The following TRMT11 variants were observed in gnomAD, a reference collection of about 807,000 sequenced individuals.
The protein encoded by TRMT11 is tRNA (guanine(10)-N(2))-methyltransferase TRMT11.
TRMT11 carries 53 observed loss-of-function variants against 62.8 expected under a neutral mutation model. The ratio of observed to expected loss-of-function variants is 0.84; its 90% CI spans 0.68 to 1.06. The LOEUF (loss-of-function observed/expected upper bound fraction) is 1.06. Among genes scored for constraint, TRMT11 ranks in the 50% least tolerant of loss-of-function variants. The probability of loss-of-function intolerance (pLI) is 0.00; values close to 1 mark genes in which losing one functional copy is unlikely to be tolerated. For synonymous variants in TRMT11, 188 were observed against 190.3 expected, an observed-to-expected ratio of 0.99 and a Z score of 0.10; for missense variants, 556 against 553.4, an observed-to-expected ratio of 1.00 and a Z score of -0.05.
intron 17 of TRMT11, among the ~76,000 whole-genome samples, chr6:126,090,780 A>C (rs1777264941): frequency 6.6e-6 from 1 of 152,218 alleles, no homozygotes; most frequent in African/African-American, 2.4e-5. Flanking sequence ...GAGAATCTCA[A>C]TCCATACACG....
At chr6:126,247,280 A>G in the TRMT11 span, among the ~76,000 whole-genome samples, 1 of 152,228 alleles carries the variant, frequency 6.6e-6, no homozygotes, top group Non-Finnish European at 1.5e-5. Context: ...CCCTCAGTTC[A>G]TAACTTTAAA....
At chr6:126,191,714 A>G (rs577620654) in intron 1 of TRMT11, among the ~76,000 whole-genome samples, 2 of 152,084 alleles carry the variant, frequency 1.3e-5, no homozygotes, top group South Asian at 2.1e-4. Flanking sequence ...ATTTTCTACA[A>G]TGTATGTTCT....
At chr6:126,269,807 T>C in the TRMT11 span, among the ~76,000 whole-genome samples, 4 of 152,282 alleles carry the variant, frequency 2.6e-5, no homozygotes, top group East Asian at 3.9e-4. Context: ...ATCTCCAGAG[T>C]AAGCTACCTA....
chr6:126,232,162 G>T, the TRMT11 span, among the ~76,000 whole-genome samples: 2 of 152,086 alleles, frequency 1.3e-5, no homozygotes, highest in Non-Finnish European at 2.9e-5. Context: ...GTGTGTGTGT[G>T]TGTGTAGATG....
At chr6:126,255,542 A>T in the TRMT11 span, among the ~76,000 whole-genome samples, 1 of 152,334 alleles carries the variant, frequency 6.6e-6, no homozygotes, top group South Asian at 2.1e-4. Flanking sequence ...TACCTCTTAC[A>T]TATCAAATGC....
chr6:126,012,909 C>T (rs1794439886), intron 10 of TRMT11, 57 bp downstream of exon 10: 1 of 1,609,310 alleles, frequency 6.2e-7, no homozygotes, highest in Admixed American at 1.7e-5. Flanking sequence ...TGTGGCTTCC[C>T]CGTTAACTTA....
intron 21 of TRMT11, among the ~76,000 whole-genome samples, chr6:126,131,786 T>A (rs1777786307): frequency 1.3e-5 from 2 of 152,072 alleles, no homozygotes; most frequent in Admixed American, 6.6e-5. Context: ...TTTAAAACAT[T>A]GATTATCTTT....
At chr6:126,045,675 C>A (rs762521119) in intron 16 of TRMT11, among the ~76,000 whole-genome samples, 2 of 152,076 alleles carry the variant, frequency 1.3e-5, no homozygotes, top group African/African-American at 2.4e-5. Context: ...TCAAGTCCAC[C>A]CCACTATAAC....
intron 11 of TRMT11, among the ~76,000 whole-genome samples, chr6:126,020,257 G>C (rs569281303): frequency 3.8e-4 from 58 of 152,312 alleles, no homozygotes; most frequent in Middle Eastern, 3.4e-3. Context: ...ATCCAAAAAG[G>C]TGTAAAAAAT....
chr6:126,137,376 C>A (rs891403199), intron 21 of TRMT11, among the ~76,000 whole-genome samples: 1 of 151,642 alleles, frequency 6.6e-6, no homozygotes, highest in Non-Finnish European at 1.5e-5. Flanking sequence ...AGTAGACATA[C>A]AAATGGCCAC....
rs778887174 is a variant in TRMT11 at position 126,012,857 on chromosome 6, G to A, written c.1007+5G>A. ...GATAGAAAAATGGGAAAAATGGTAA[G>A]TGAAATTTAAATATGATGTGTTACT... On this transcript the variant is annotated splice_donor_5th_base_variant and intron_variant, in intron 10 of 12. Coordinates refer to ENST00000334379, the MANE Select transcript of TRMT11 (RefSeq NM_001031712.3). 1 of 1,613,068 alleles carries A rather than the reference G, an allele frequency of 6.2e-7. No homozygotes were observed. The highest frequency in any genetic ancestry group is 1.1e-5 in the South Asian group (1 of 91,050).
At chr6:126,017,733 G>GT (rs1349112082) in intron 11 of TRMT11, among the ~76,000 whole-genome samples, 1 of 152,164 alleles carries the variant, frequency 6.6e-6, no homozygotes, top group African/African-American at 2.4e-5. Flanking sequence ...ATAATAGCTT[G>GT]TTTTTACTGC....
At chr6:126,256,688 A>C in the TRMT11 span, among the ~76,000 whole-genome samples, 5 of 152,196 alleles carry the variant, frequency 3.3e-5, no homozygotes, top group African/African-American at 1.2e-4. Context: ...ACATTGGTCC[A>C]TAATAATTCT....
downstream of TRMT11, among the ~76,000 whole-genome samples, chr6:126,207,061 T>C (rs577969335): frequency 6.6e-6 from 1 of 152,336 alleles, no homozygotes; most frequent in South Asian, 2.1e-4. Flanking sequence ...TTGTCCAGTA[T>C]AGTTCCTTTT....
chr6:126,087,696 T>G (rs951579195), intron 17 of TRMT11, among the ~76,000 whole-genome samples: 2 of 152,212 alleles, frequency 1.3e-5, no homozygotes, highest in African/African-American at 4.8e-5. Context: ...GCCAGGCTGT[T>G]CTTGCTTTTA....
downstream of TRMT11, among the ~76,000 whole-genome samples, chr6:126,204,114 A>C (rs116674346): frequency 6.6e-6 from 1 of 152,202 alleles, no homozygotes; most frequent in Middle Eastern, 3.2e-3. Context: ...AAATAAAACG[A>C]TAGGCATTAA....
the TRMT11 span, among the ~76,000 whole-genome samples, chr6:126,216,071 T>C: frequency 2.0e-5 from 3 of 152,132 alleles, no homozygotes; most frequent in Non-Finnish European, 4.4e-5. Flanking sequence ...TACCATAATA[T>C]TAACAGTGAG....
chr6:126,248,593 A>G, the TRMT11 span, among the ~76,000 whole-genome samples: 1 of 152,066 alleles, frequency 6.6e-6, no homozygotes, highest in Non-Finnish European at 1.5e-5. Flanking sequence ...CACCTTCCTA[A>G]TATCAATCAA....
At chr6:126,022,707 A>C (rs1037121202) in intron 12 of TRMT11, among the ~76,000 whole-genome samples, 3 of 152,216 alleles carry the variant, frequency 2.0e-5, no homozygotes, top group African/African-American at 7.2e-5. Flanking sequence ...TATCTTCTGT[A>C]ATCAGGCTCC....
Sources: gnomAD v4.1 joint callset for allele counts (sites outside exome capture counted in the v4.1 genomes callset) on GRCh38, gnomAD v4.1.1 for gene constraint, MANE v1.5 for transcripts, NCBI Gene and HGNC (gene_info 2026-07-23, HGNC 2026-07-21) for gene names.